The following MYO16 variants were observed in gnomAD, a reference collection of about 807,000 sequenced individuals.
MYO16 encodes the protein unconventional myosin-XVI.
MYO16 carries 94 observed loss-of-function variants against 205.3 expected under a neutral mutation model. That is an observed-to-expected ratio of 0.46 (90% CI 0.39 to 0.54). The LOEUF (loss-of-function observed/expected upper bound fraction) is 0.54. Among genes scored for constraint, MYO16 ranks in the 20% least tolerant of loss-of-function variants. The pLI, the probability that MYO16 is intolerant of heterozygous loss-of-function variation, is 0.00. For missense variants in MYO16, 2,315 were observed against 2,387.5 expected (o/e 0.97, Z 0.63); for synonymous variants, 988 against 954.0 (o/e 1.04, Z -0.66).
chr13:108,726,703 T>A (rs2139582503), intron 3 of MYO16, among the ~76,000 whole-genome samples: 1 of 152,236 alleles, frequency 6.6e-6, no homozygotes, highest in African/African-American at 2.4e-5. Context: ...ACAGGACTCA[T>A]CTAAGTGCAG....
At chr13:108,744,225 C>T (rs749465091) in intron 4 of MYO16, among the ~76,000 whole-genome samples, 6 of 152,078 alleles carry the variant, frequency 3.9e-5, no homozygotes, top group East Asian at 1.9e-4. Context: ...TACTAAGAAA[C>T]GATTGATTTT....
intron 1 of MYO16, among the ~76,000 whole-genome samples, chr13:108,613,368 T>C (rs1414776101): frequency 6.6e-6 from 1 of 152,172 alleles, no homozygotes; most frequent in Non-Finnish European, 1.5e-5. Context: ...TATCTTTACT[T>C]GTCTCCTCTT....
chr13:108,931,384 T>C (rs1882247323), intron 16 of MYO16, among the ~76,000 whole-genome samples: 1 of 152,176 alleles, frequency 6.6e-6, no homozygotes, highest in Non-Finnish European at 1.5e-5. Flanking sequence ...GGTATACTCT[T>C]TCTTTTGCTT....
chr13:108,793,298 A>AC (rs200167253), intron 5 of MYO16, among the ~76,000 whole-genome samples: 50,814 of 147,608 alleles, frequency 0.34, 9,866 homozygotes, highest in East Asian at 0.63. Context: ...AAAAAAAAAA[A>AC]AAAAAAACAT....
At chr13:109,050,735 T>G (rs1887220951) in intron 24 of MYO16, among the ~76,000 whole-genome samples, 1 of 152,228 alleles carries the variant, frequency 6.6e-6, no homozygotes, top group African/African-American at 2.4e-5. Context: ...TGTACACTCA[T>G]GGATTCTTAT....
intron 31 of MYO16, among the ~76,000 whole-genome samples, chr13:109,135,115 G>T (rs1254916592): frequency 3.9e-5 from 6 of 152,152 alleles, no homozygotes; most frequent in Non-Finnish European, 7.3e-5. Context: ...AAAAAGACAA[G>T]TTGCCTGATC....
chr13:108,930,715 G>T (rs1882220062), intron 16 of MYO16, among the ~76,000 whole-genome samples: 2 of 151,934 alleles, frequency 1.3e-5, no homozygotes, highest in African/African-American at 4.8e-5. Context: ...ATCAACATAA[G>T]AAAAGAAATG....
At chr13:108,746,997 G>A (rs1885085780) in intron 4 of MYO16, among the ~76,000 whole-genome samples, 1 of 152,166 alleles carries the variant, frequency 6.6e-6, no homozygotes, top group African/African-American at 2.4e-5. Context: ...GAAGAGTGGA[G>A]TGAAATACTT....
At position 108,669,115 on chromosome 13, in the gene MYO16, C is replaced by T. The variant is rs535999580; in HGVS notation, c.292+2966C>T. 2.5e-4 allele frequency among the ~76,000 whole-genome samples: 38 copies of T among 152,044 alleles called. No homozygotes were observed. The East Asian group carries it at 6.0e-3, about 24-fold the overall frequency. On this transcript the variant is annotated intron_variant, in intron 2 of 34. Coordinates refer to ENST00000457511, the MANE Select transcript of MYO16 (RefSeq NM_001198950.3). ...ACGTAGAGAAAGAGTTTAGGTAAAACGATACGAAGTCTAAGAACTGAGTCC... is the reference window on the plus strand; with the variant it reads ...ACGTAGAGAAAGAGTTTAGGTAAAATGATACGAAGTCTAAGAACTGAGTCC...
intron 34 of MYO16, among the ~76,000 whole-genome samples, chr13:109,206,312 C>T (rs541248723): frequency 1.2e-4 from 18 of 152,138 alleles, no homozygotes; most frequent in Non-Finnish European, 2.5e-4. Flanking sequence ...ACACAGTAAT[C>T]GAGGGCATAG....
chr13:109,169,723 CCTA>C (rs1279196851), intron 33 of MYO16, among the ~76,000 whole-genome samples: 1 of 152,154 alleles, frequency 6.6e-6, no homozygotes, highest in African/African-American at 2.4e-5. Flanking sequence ...TGAATGCCTT[CCTA>C]CAAGGAAAAT....
At chr13:108,938,348 T>A (rs1460234808) in intron 16 of MYO16, among the ~76,000 whole-genome samples, 1 of 152,220 alleles carries the variant, frequency 6.6e-6, no homozygotes, top group African/African-American at 2.4e-5. Flanking sequence ...GGCACTGGGC[T>A]GATCCATGGA....
rs80081912 is a variant in MYO16, at chr13:108,911,386, C to T, written c.1925+1236C>T. Among the ~76,000 whole-genome samples the T allele has an allele frequency of 7.2e-3, 1,091 of 152,128 alleles. 10 individuals carry two copies. The highest frequency in any genetic ancestry group is 0.025 in the African/African-American group (1,029 of 41,482). On this transcript the variant is annotated intron_variant, in intron 16 of 34. Coordinates refer to ENST00000457511, the MANE Select transcript of MYO16 (RefSeq NM_001198950.3). ...CAGGTGGGTGTCCTGCTTTTAGATA[C>T]GTTAATCGAGAGCCTCCTACCAGGT...
chr13:109,031,327 G>A (rs1886542410), intron 23 of MYO16, among the ~76,000 whole-genome samples: 2 of 152,048 alleles, frequency 1.3e-5, no homozygotes, highest in African/African-American at 4.8e-5. Flanking sequence ...CCTGATCTCA[G>A]GTGATCCACC....
At chr13:108,657,089 C>G (rs933886690) in intron 1 of MYO16, among the ~76,000 whole-genome samples, 3 of 152,212 alleles carry the variant, frequency 2.0e-5, no homozygotes, top group Non-Finnish European at 2.9e-5. Flanking sequence ...CTTAATGAAC[C>G]ACATAATTTC....
the MYO16 span, among the ~76,000 whole-genome samples, chr13:108,585,414 C>A: frequency 6.6e-6 from 1 of 152,116 alleles, no homozygotes; most frequent in African/African-American, 2.4e-5. Context: ...AAGGAATGCT[C>A]AGGGTGAAGA....
At chr13:108,661,609 A>G (rs1881504174) in intron 1 of MYO16, among the ~76,000 whole-genome samples, 1 of 152,242 alleles carries the variant, frequency 6.6e-6, no homozygotes, top group Admixed American at 6.5e-5. Flanking sequence ...CATTTCTAAA[A>G]GCATGTCCAA....
the MYO16 span, among the ~76,000 whole-genome samples, chr13:108,532,807 A>G: frequency 6.6e-6 from 1 of 152,128 alleles, no homozygotes; most frequent in Admixed American, 6.5e-5. Context: ...AATAAATATT[A>G]CAAAATACAA....
At chr13:108,712,545 A>C in intron 2 of MYO16, 116 bp from the exon 3 acceptor site, 1 of 848,148 alleles carries the variant, frequency 1.2e-6, no homozygotes. Flanking sequence ...CAGAAGCCGT[A>C]GTCTTTGGTT....
Sources: allele counts gnomAD v4.1 joint callset (sites outside exome capture counted in the v4.1 genomes callset), GRCh38; gene constraint gnomAD v4.1.1; transcripts MANE v1.5; gene names NCBI Gene and HGNC (gene_info 2026-07-23, HGNC 2026-07-21).